Variants in GAREM1 observed in about 807,000 individuals in gnomAD.
GAREM1 encodes GRB2-associated and regulator of MAPK protein 1.
In GAREM1, 26 loss-of-function variants were observed where a neutral mutation model predicts 71.3. The ratio of observed to expected loss-of-function variants is 0.36; its 90% CI spans 0.27 to 0.51. GAREM1 has a LOEUF of 0.51. Among genes scored for constraint, GAREM1 ranks in the 20% least tolerant of loss-of-function variants. The pLI is 0.95. For synonymous variants in GAREM1, 440 were observed against 433.2 expected (o/e 1.02, Z -0.20); for missense variants, 1,026 against 1,103.1 (o/e 0.93, Z 0.99).
intron 1 of GAREM1, among the ~76,000 whole-genome samples, chr18:32,441,119 C>T (rs2048732407): frequency 6.6e-6 from 1 of 152,104 alleles, no homozygotes; most frequent in African/African-American, 2.4e-5. Context: ...TAAAAGACAT[C>T]AAGACTCTAG....
At chr18:32,362,479 C>T (rs570812888) in intron 2 of GAREM1, among the ~76,000 whole-genome samples, 3 of 152,244 alleles carry the variant, frequency 2.0e-5, no homozygotes, top group African/African-American at 7.2e-5. Context: ...TAATAAACAA[C>T]TGCAATGTGT....
chr18:32,399,270 G>T (rs1374823631), intron 1 of GAREM1, among the ~76,000 whole-genome samples: 1 of 152,180 alleles, frequency 6.6e-6, no homozygotes, highest in Non-Finnish European at 1.5e-5. Flanking sequence ...ACAAGACAGG[G>T]ATGCCCTCTC....
intron 3 of GAREM1, 137 bp from the exon 4 acceptor site, chr18:32,288,340 A>C (rs1485632105): frequency 1.6e-6 from 1 of 620,524 alleles, no homozygotes; most frequent in Non-Finnish European, 2.7e-6. Context: ...TAGACACCTC[A>C]TTTCTTTTAT....
chr18:32,465,413 T>C (rs1174735298), intron 1 of GAREM1, among the ~76,000 whole-genome samples: 1 of 152,132 alleles, frequency 6.6e-6, no homozygotes, highest in Non-Finnish European at 1.5e-5. Context: ...TAGAGGCCAG[T>C]AAATGATAAA....
Position 32,264,181 on chromosome 18 carries a change from C to T in GAREM1, c.*3690G>A, listed in dbSNP as rs1297061553. ...CTTTTATTCTTCTTGCTCAAGCAGC[C>T]TGGTGCCTTTAGGTAACTTGAAAGA... On this transcript the variant is annotated 3_prime_UTR_variant, in exon 6 of 6. Transcript: ENST00000269209. 1 of 152,126 alleles carries T rather than the reference C, an allele frequency of 6.6e-6. No homozygotes were observed. The highest frequency in any genetic ancestry group is 1.5e-5 in the Non-Finnish European group (1 of 68,024). 9.4% of individuals were successfully genotyped at this position (152,126 alleles called of 1,614,324 possible).
intron 4 of GAREM1, among the ~76,000 whole-genome samples, chr18:32,277,308 T>C (rs1279608011): frequency 6.6e-6 from 1 of 152,196 alleles, no homozygotes; most frequent in African/African-American, 2.4e-5. Flanking sequence ...TGGGTACGTA[T>C]ATGCATGCAT....
At chr18:32,357,508 C>T (rs2047818130) in intron 2 of GAREM1, among the ~76,000 whole-genome samples, 1 of 152,156 alleles carries the variant, frequency 6.6e-6, no homozygotes, top group Non-Finnish European at 1.5e-5. Flanking sequence ...AGCCCTCTAT[C>T]TCTGCTGTCT....
chr18:32,272,972 T>C (rs2041484868), intron 4 of GAREM1, among the ~76,000 whole-genome samples: 1 of 152,236 alleles, frequency 6.6e-6, no homozygotes, highest in Admixed American at 6.5e-5. Context: ...CTTCCTTCTG[T>C]CTTGTTAGTG....
chr18:32,442,829 A>G (rs929208023), intron 1 of GAREM1, among the ~76,000 whole-genome samples: 1 of 152,176 alleles, frequency 6.6e-6, no homozygotes, highest in East Asian at 1.9e-4. Flanking sequence ...TAGAACAGAG[A>G]CCAACTGTTC....
intron 2 of GAREM1, among the ~76,000 whole-genome samples, chr18:32,336,506 A>G (rs1033809234): frequency 7.9e-5 from 12 of 152,118 alleles, no homozygotes; most frequent in African/African-American, 2.2e-4. Flanking sequence ...CTGGTGCTCT[A>G]TAAGTACTTA....
chr18:32,376,303 T>A (rs2048030128), intron 2 of GAREM1, among the ~76,000 whole-genome samples: 1 of 152,218 alleles, frequency 6.6e-6, no homozygotes, highest in Non-Finnish European at 1.5e-5. Flanking sequence ...CAAGAATGTG[T>A]CTTGGATGCT....
At chr18:32,448,415 TCTTA>T (rs1348608615) in intron 1 of GAREM1, among the ~76,000 whole-genome samples, 6 of 152,206 alleles carry the variant, frequency 3.9e-5, no homozygotes, top group East Asian at 1.9e-4. Flanking sequence ...TCTGTTATGC[TCTTA>T]CTTGTCATTT....
At chr18:32,292,452 C>G (rs941770081) in intron 3 of GAREM1, among the ~76,000 whole-genome samples, 2 of 151,988 alleles carry the variant, frequency 1.3e-5, no homozygotes, top group African/African-American at 4.8e-5. Flanking sequence ...AAGAGAAAAT[C>G]CAAGTACCTT....
At position 32,315,482 on chromosome 18, in the gene GAREM1, A is replaced by C. The variant is rs1041574577; in HGVS notation, c.263-5159T>G. On this transcript the variant is annotated intron_variant, in intron 2 of 5. Coordinates refer to ENST00000269209, the MANE Select transcript of GAREM1 (RefSeq NM_001242409.2). ...TATATATAAATATATATAAAAGTAG[A>C]TATATATAAAATATATAAAAAAGTA... Among the ~76,000 whole-genome samples the C allele has an allele frequency of 2.0e-5, 3 of 147,458 alleles. No homozygotes were observed. The Admixed American group carries it at 2.0e-4, about 10-fold the overall frequency.
intron 4 of GAREM1, among the ~76,000 whole-genome samples, chr18:32,282,164 T>C (rs903720803): frequency 6.6e-6 from 1 of 152,132 alleles, no homozygotes; most frequent in African/African-American, 2.4e-5. Flanking sequence ...TAAACAGCCA[T>C]GTTGCTCACA....
At chr18:32,310,911 A>AT (rs1377479929) in intron 2 of GAREM1, among the ~76,000 whole-genome samples, 4 of 152,336 alleles carry the variant, frequency 2.6e-5, no homozygotes, top group Non-Finnish European at 2.9e-5. Flanking sequence ...AGGCAGAAGC[A>AT]TGGAGCAGCA....
chr18:32,310,432 C>T, intron 2 of GAREM1, 109 bp from the exon 3 acceptor site: 1 of 1,073,692 alleles, frequency 9.3e-7, no homozygotes, highest in Non-Finnish European at 1.3e-6. Context: ...GTCAAAGATT[C>T]CTGTTCATCA....
At chr18:32,389,003 C>T (rs1275202209) in intron 2 of GAREM1, among the ~76,000 whole-genome samples, 1 of 152,012 alleles carries the variant, frequency 6.6e-6, no homozygotes, top group African/African-American at 2.4e-5. Context: ...TGTCTACTCT[C>T]AAATAACTGA....
chr18:32,265,677 C>T lies in GAREM1; in HGVS notation c.*2194G>A, dbSNP rs2041363381. 1 of 152,040 alleles carries T rather than the reference C, an allele frequency of 6.6e-6. No individual in the cohort carries two copies. Among genetic ancestry groups the T allele is most frequent in the South Asian group, 2.1e-4 (1 of 4,824 alleles). The allele number at this position is 152,040 out of a possible 1,614,324, so 9.4% of individuals were successfully genotyped here. A position where few individuals can be genotyped will look rare whatever the true frequency, so the allele number is the denominator to read the frequency against. On this transcript the variant is annotated 3_prime_UTR_variant, in exon 6 of 6. Transcript: ENST00000269209. ...AAACAAGCAAAAAGAATTTAAAACC[C>T]TATTTTGTGTAAAGTTTTTACAAAA... is the stretch of plus-strand genomic sequence containing the variant.
Sources: allele counts gnomAD v4.1 joint callset (sites outside exome capture counted in the v4.1 genomes callset), GRCh38; gene constraint gnomAD v4.1.1; transcripts MANE v1.5; gene names NCBI Gene and HGNC (gene_info 2026-07-23, HGNC 2026-07-21).